Variants in ZNF618 observed in about 807,000 individuals in gnomAD.
The protein encoded by ZNF618 is zinc finger protein 618, also known as neural precursor cell expressed, developmentally down-regulated 10.
In ZNF618, 34 loss-of-function variants were observed where a neutral mutation model predicts 103.0. The observed-to-expected ratio is 0.33, with a 90% CI of 0.25 to 0.44. The LOEUF (loss-of-function observed/expected upper bound fraction) is 0.44, where lower values mean the gene tolerates loss of function less well. ZNF618 is among the 20% of genes least tolerant of loss of function. The pLI, the probability that ZNF618 is intolerant of heterozygous loss-of-function variation, is 1.00. For missense variants in ZNF618, 1,059 were observed against 1,295.4 expected (o/e 0.82, Z 2.80); for synonymous variants, 551 against 542.2 (o/e 1.02, Z -0.23).
rs2418264 is a variant in ZNF618 at position 114,045,568 on chromosome 9, T to G, written c.1247-2325T>G. On this transcript the variant is annotated intron_variant, in intron 13 of 14. Coordinates refer to ENST00000374126, the MANE Select transcript of ZNF618 (RefSeq NM_001318042.2). Reference sequence around the variant, plus strand: ...ATTTCTATATTTCCAGTTGTATTCCTTTGATCTATATGTCCGTCCTGTGCC... The same window carrying G: ...ATTTCTATATTTCCAGTTGTATTCCGTTGATCTATATGTCCGTCCTGTGCC... Among the ~76,000 whole-genome samples, 3 of 151,898 alleles carry G rather than the reference T, an allele frequency of 2.0e-5. No homozygotes were observed. The South Asian group carries it at 6.2e-4, about 32-fold the overall frequency.
chr9:113,944,907 C>CA (rs1200189243), intron 1 of ZNF618, among the ~76,000 whole-genome samples: 1 of 152,170 alleles, frequency 6.6e-6, no homozygotes, highest in African/African-American at 2.4e-5. Context: ...GGGCTAGTGG[C>CA]AACCATGTTG....
At chr9:113,992,864 C>T (rs1338123974) in intron 3 of ZNF618, among the ~76,000 whole-genome samples, 1 of 152,192 alleles carries the variant, frequency 6.6e-6, no homozygotes, top group African/African-American at 2.4e-5. Flanking sequence ...AGGCTGGCTG[C>T]CAAGTTCGCA....
rs35340455 is a variant in ZNF618, at chr9:113,909,779, T to C, written c.33+33366T>C. 3.1e-3 allele frequency among the ~76,000 whole-genome samples: 472 copies of C among 150,886 alleles called. 1 individual carries two copies. The highest frequency in any genetic ancestry group is 5.7e-3 in the Non-Finnish European group (384 of 67,888). ...GCTCCCCGATACTCACAGCCTAGCC[T>C]TTTTTGTTTGTTTTTTTTTTTTTGA... is the stretch of plus-strand genomic sequence containing the variant. On this transcript the variant is annotated intron_variant, in intron 1 of 14. Coordinates refer to ENST00000374126, the MANE Select transcript of ZNF618 (RefSeq NM_001318042.2).
chr9:114,028,898 G>A lies in ZNF618; in HGVS notation c.1010G>A (p.Arg337His), dbSNP rs1239556694. ...GTCCGATGTGCCACCCTCTTACACC[G>A]CACCCCTCCAGCCACCCAAACCCAG... ...SVVRCATLLH[R>H]TPPATQTQTF... Residue 337 changes from arginine (R) to histidine (H), a missense_variant, in exon 11 of 15, where the codon CGC becomes CAC. Arg to His is a conservative substitution (Grantham distance 29, BLOSUM62 0). Transcript: ENST00000374126. 1.7e-5 allele frequency: 26 copies of A among 1,550,302 alleles called. No individual in the cohort carries two copies. Among genetic ancestry groups the A allele is most frequent in the Non-Finnish European group, 2.1e-5 (24 of 1,146,778 alleles).
chr9:113,949,054 A>G lies in ZNF618; in HGVS notation c.34-20063A>G, dbSNP rs1481608947. Reference sequence around the variant, plus strand: ...AGTTTCAGAGATGAAGCTTGAATGCATGTCTTCCCGGTCATCAGTCCAGAT... The same window carrying G: ...AGTTTCAGAGATGAAGCTTGAATGCGTGTCTTCCCGGTCATCAGTCCAGAT... On this transcript the variant is annotated intron_variant, in intron 1 of 14. Transcript: ENST00000374126. Among the ~76,000 whole-genome samples, 3 of 152,214 alleles carry G rather than the reference A, an allele frequency of 2.0e-5. 1 individual carries two copies. The highest frequency in any genetic ancestry group is 1.9e-4 in the East Asian group (1 of 5,196).
chr9:114,014,158 C>T (rs1842475028), intron 9 of ZNF618, among the ~76,000 whole-genome samples: 1 of 152,112 alleles, frequency 6.6e-6, no homozygotes, highest in Non-Finnish European at 1.5e-5. Flanking sequence ...GGAATTAAGG[C>T]AGCAATCAGA....
At chr9:114,018,264 TGTG>T (rs1171359240) in intron 10 of ZNF618, among the ~76,000 whole-genome samples, 1 of 152,148 alleles carries the variant, frequency 6.6e-6, no homozygotes, top group Non-Finnish European at 1.5e-5. Context: ...TTGACCCACT[TGTG>T]GTGCTGATGC....
At chr9:113,958,173 G>T (rs777142368) in intron 1 of ZNF618, among the ~76,000 whole-genome samples, 2 of 152,140 alleles carry the variant, frequency 1.3e-5, no homozygotes, top group Non-Finnish European at 2.9e-5. Context: ...TCTCTCCAAG[G>T]TCACCCCACC....
Position 114,049,876 on chromosome 9 carries a change from C to T in ZNF618, c.2574C>T (p.Val858=), listed in dbSNP as rs367594935. 1.0e-4 allele frequency: 166 copies of T among 1,613,906 alleles called. 2 individuals are homozygous for T. Among genetic ancestry groups the T allele is most frequent in the African/African-American group, 9.7e-4 (73 of 75,066 alleles). ...PAAKKPRSAA[V]ENPAAQEDDR... is the part of the protein sequence containing the mutation. ...CCAAGAAGCCCCGCTCTGCTGCCGT[C>T]GAGAACCCCGCAGCTCAGGAAGATG... is the stretch of plus-strand genomic sequence containing the variant. The change falls in exon 15 of 15, where the codon GTC becomes GTT. Residue 858 remains valine, a synonymous_variant. Transcript: ENST00000374126.
intron 13 of ZNF618, among the ~76,000 whole-genome samples, chr9:114,041,460 A>G (rs189051560): frequency 6.6e-6 from 1 of 152,316 alleles, no homozygotes; most frequent in Admixed American, 6.5e-5. Flanking sequence ...TTATAGTTTT[A>G]GGTCTAACAT....
At chr9:113,893,538 T>C (rs1320735799) in intron 1 of ZNF618, among the ~76,000 whole-genome samples, 1 of 152,210 alleles carries the variant, frequency 6.6e-6, no homozygotes, top group African/African-American at 2.4e-5. Flanking sequence ...ATTTTTATTA[T>C]TTAAGTCATA....
chr9:113,922,729 T>G (rs754220052), intron 1 of ZNF618, among the ~76,000 whole-genome samples: 22 of 152,188 alleles, frequency 1.4e-4, no homozygotes, highest in Non-Finnish European at 2.8e-4. Context: ...CGAAGCTGGG[T>G]AGTGTCAATC....
chr9:113,876,345 A>C lies in ZNF618; in HGVS notation c.-36A>C. The C allele has an allele frequency of 2.7e-5, 32 of 1,178,030 alleles. No individual in the cohort carries two copies. The highest frequency in any genetic ancestry group is 3.3e-5 in the Non-Finnish European group (32 of 957,778). 73.0% of individuals were successfully genotyped at this position (1,178,030 alleles called of 1,614,324 possible). On this transcript the variant is annotated 5_prime_UTR_variant, in exon 1 of 15. Transcript: ENST00000374126. ...ACCAGCAGCCCGGCCCGGGAGGAGC[A>C]GGACGCGCCGGGGCCGCCTCCTCCC...
chr9:114,023,158 A>C (rs1429222845), intron 10 of ZNF618, among the ~76,000 whole-genome samples: 19 of 151,938 alleles, frequency 1.3e-4, no homozygotes, highest in Admixed American at 1.2e-3. Flanking sequence ...ATTTAAGTTT[A>C]CTATCTTGCA....
At chr9:113,977,177 A>G (rs528537003) in intron 2 of ZNF618, among the ~76,000 whole-genome samples, 5 of 152,188 alleles carry the variant, frequency 3.3e-5, no homozygotes, top group African/African-American at 1.2e-4. Flanking sequence ...CGGGGACAGC[A>G]CCATGGAGAG....
chr9:113,879,179 G>C lies in ZNF618; in HGVS notation c.33+2766G>C, dbSNP rs549548144. 1.2e-4 allele frequency among the ~76,000 whole-genome samples: 18 copies of C among 151,928 alleles called. No homozygotes were observed. In the South Asian group the frequency reaches 1.9e-3, roughly 16 times the overall value. On this transcript the variant is annotated intron_variant, in intron 1 of 14. Transcript: ENST00000374126. The stretch of plus-strand genomic sequence containing the variant: ...GAGATGGGCTGGGGAGGGGTGGAGG[G>C]GGGTAGGGGCATCTGAGAAAAAGTC...
At chr9:114,008,437 TG>T in intron 8 of ZNF618, 39 bp from the exon 9 acceptor site, 1 of 1,613,602 alleles carries the variant, frequency 6.2e-7, no homozygotes, top group Middle Eastern at 1.6e-4. Flanking sequence ...TCCTGAGACC[TG>T]GGGGACCAGG....
At chr9:113,879,358 T>C (rs1415960478) in intron 1 of ZNF618, among the ~76,000 whole-genome samples, 2 of 151,290 alleles carry the variant, frequency 1.3e-5, no homozygotes, top group Non-Finnish European at 2.9e-5. Context: ...AAGTTGAAAA[T>C]CATTTCTGGT....
At chr9:113,984,309 C>T (rs569586357) in intron 2 of ZNF618, among the ~76,000 whole-genome samples, 2 of 152,322 alleles carry the variant, frequency 1.3e-5, no homozygotes, top group East Asian at 3.9e-4. Flanking sequence ...GCCAGGAAGG[C>T]TTCCCAGAGG....
Sources: gnomAD v4.1 joint callset for allele counts (sites outside exome capture counted in the v4.1 genomes callset) on GRCh38, gnomAD v4.1.1 for gene constraint, MANE v1.5 for transcripts, NCBI Gene and HGNC (gene_info 2026-07-23, HGNC 2026-07-21) for gene names.